The following SCUBE1 variants were observed in gnomAD, a reference collection of about 807,000 sequenced individuals.
The protein encoded by SCUBE1 is signal peptide, CUB and EGF-like domain-containing protein 1.
Under a neutral mutation model 124.4 loss-of-function variants are expected in SCUBE1, and 59 were observed. The observed-to-expected ratio is 0.47, with a 90% CI of 0.38 to 0.59. SCUBE1 has a LOEUF of 0.59. SCUBE1 is among the 20% of genes least tolerant of loss of function. The probability of loss-of-function intolerance (pLI) is 0.00; values close to 1 mark genes in which losing one functional copy is unlikely to be tolerated. For missense variants in SCUBE1, 1,150 were observed against 1,371.2 expected, an observed-to-expected ratio of 0.84 and a Z score of 2.55; for synonymous variants, 545 against 550.9, an observed-to-expected ratio of 0.99 and a Z score of 0.15.
chr22:43,295,971 G>A (rs1925540764), intron 3 of SCUBE1, among the ~76,000 whole-genome samples: 1 of 151,750 alleles, frequency 6.6e-6, no homozygotes, highest in Non-Finnish European at 1.5e-5. Context: ...TGAAAGCAAA[G>A]GCTCATGGAA....
chr22:43,210,073 A>T lies in SCUBE1; in HGVS notation c.2551T>A (p.Cys851Ser). 6.2e-7 allele frequency: 1 copy of T among 1,612,096 alleles called. No individual in the cohort carries two copies. Residue 851 changes from cysteine (C) to serine (S), a missense_variant, in exon 19 of 22, where the codon TGC (cysteine) becomes AGC (serine). By Grantham distance (112) the Cys-to-Ser change is moderately radical (BLOSUM62 -1). Coordinates refer to ENST00000360835, the MANE Select transcript of SCUBE1 (RefSeq NM_173050.5). The surrounding 1 kb of genome is among the most constrained non-coding windows in gnomAD (Gnocchi z 4.5). ...PEIFLPIEDE[C>S]GDVLVMRKSA... Reference sequence around the variant, plus strand: ...TTCCTCATGACCAGAACATCGCCGCACTCATCCTCGATGGGCAGGAAGATC... The same window carrying T: ...TTCCTCATGACCAGAACATCGCCGCTCTCATCCTCGATGGGCAGGAAGATC...
intron 4 of SCUBE1, among the ~76,000 whole-genome samples, chr22:43,266,513 A>G (rs896201222): frequency 4.6e-5 from 7 of 152,200 alleles, no homozygotes; most frequent in Non-Finnish European, 8.8e-5. Flanking sequence ...ACAGAAGGTC[A>G]GGGTTGGACC....
In SCUBE1 at chr22:43,244,161, T is replaced by C. The variant is rs867559135; in HGVS notation, c.728-5207A>G. On this transcript the variant is annotated intron_variant, in intron 6 of 21. Coordinates refer to ENST00000360835, the MANE Select transcript of SCUBE1 (RefSeq NM_173050.5). ...GCGCCTTCCTCTCACACTGCCCACC[T>C]CCCAGCCCATGCCCCGCCACACCCC... Among the ~76,000 whole-genome samples the C allele has an allele frequency of 5.4e-3, 816 of 151,828 alleles. 6 individuals are homozygous for C. The highest frequency in any genetic ancestry group is 0.019 in the African/African-American group (782 of 41,336).
chr22:43,326,483 G>A (rs957830707), intron 2 of SCUBE1, among the ~76,000 whole-genome samples: 22 of 152,234 alleles, frequency 1.4e-4, no homozygotes, highest in East Asian at 5.8e-4. Flanking sequence ...CCGGTGGCTC[G>A]GGGTTAAGCT....
At chr22:43,259,777 C>G (rs1051424984) in intron 5 of SCUBE1, among the ~76,000 whole-genome samples, 1 of 152,186 alleles carries the variant, frequency 6.6e-6, no homozygotes, top group East Asian at 1.9e-4. Flanking sequence ...CCACAGGGAG[C>G]TGAGGACCAT....
rs117796162 is a variant in SCUBE1, at chr22:43,205,445, A to G, written c.2815-1296T>C. 1.6e-4 allele frequency among the ~76,000 whole-genome samples: 25 copies of G among 152,034 alleles called. No homozygotes were observed. The East Asian group carries it at 4.8e-3, about 29-fold the overall frequency. On this transcript the variant is annotated intron_variant, in intron 21 of 21. Coordinates refer to ENST00000360835, the MANE Select transcript of SCUBE1 (RefSeq NM_173050.5). ...GAGTCCCCAGAGCCTGGCCCAGGGAAGGTGTTCAGCAAATGGCGACCACCA... is the reference window on the plus strand; with the variant it reads ...GAGTCCCCAGAGCCTGGCCCAGGGAGGGTGTTCAGCAAATGGCGACCACCA...
At chr22:43,302,164 G>C (rs969624065) in intron 3 of SCUBE1, among the ~76,000 whole-genome samples, 2 of 152,240 alleles carry the variant, frequency 1.3e-5, no homozygotes, top group African/African-American at 2.4e-5. Flanking sequence ...CTTGTGCGGA[G>C]ATCGCGATGG....
chr22:43,208,483 C>CA (rs2146651910), intron 19 of SCUBE1, among the ~76,000 whole-genome samples: 1 of 152,324 alleles, frequency 6.6e-6, no homozygotes, highest in Non-Finnish European at 1.5e-5. Flanking sequence ...CCCATCCCCT[C>CA]CCAAGATCTT....
intron 2 of SCUBE1, among the ~76,000 whole-genome samples, chr22:43,329,465 GC>G (rs2146794433): frequency 6.6e-6 from 1 of 152,352 alleles, no homozygotes; most frequent in African/African-American, 2.4e-5. Context: ...CACAGACTTG[GC>G]CCAGGCCACA....
At chr22:43,280,134 G>T (rs1334929215) in intron 4 of SCUBE1, among the ~76,000 whole-genome samples, 2 of 152,080 alleles carry the variant, frequency 1.3e-5, no homozygotes, top group Non-Finnish European at 2.9e-5. Flanking sequence ...TGAGCAAGGC[G>T]CTGGGCAGGG....
intron 2 of SCUBE1, among the ~76,000 whole-genome samples, chr22:43,326,916 C>A (rs555048796): frequency 6.6e-6 from 1 of 152,098 alleles, no homozygotes; most frequent in Non-Finnish European, 1.5e-5. Flanking sequence ...TGCTCATCTT[C>A]GAGCAGATCT....
At chr22:43,339,424 C>T (rs746024637) in intron 1 of SCUBE1, among the ~76,000 whole-genome samples, 189 bp from the exon 2 acceptor site, 33 of 152,064 alleles carry the variant, frequency 2.2e-4, no homozygotes, top group Non-Finnish European at 4.4e-4. Flanking sequence ...CGCAGCTACT[C>T]TGTGGCAGGG....
At chr22:43,280,363 A>G (rs1255697421) in intron 4 of SCUBE1, among the ~76,000 whole-genome samples, 2 of 148,568 alleles carry the variant, frequency 1.3e-5, no homozygotes, top group Non-Finnish European at 3.0e-5. Context: ...GAGTCAGCTC[A>G]CCAAGTCTCT....
At chr22:43,227,945 T>C (rs112815855) in intron 9 of SCUBE1, among the ~76,000 whole-genome samples, 1,843 of 152,246 alleles carry the variant, frequency 0.012, 25 homozygotes, top group African/African-American at 0.033. Context: ...CCTTTCCTCC[T>C]CTGACCAAAA....
intron 14 of SCUBE1, among the ~76,000 whole-genome samples, chr22:43,219,510 C>CT (rs139002): frequency 0.28 from 41,640 of 149,596 alleles, 6,401 homozygotes; most frequent in African/African-American, 0.38. Context: ...GAGTCTCACT[C>CT]GTCGCCAGGC....
At position 43,210,806 on chromosome 22, in the gene SCUBE1, G is replaced by A. The variant is rs371538284; in HGVS notation, c.2383+116C>T. The A allele has an allele frequency of 2.2e-4, 272 of 1,240,660 alleles. 1 individual carries two copies. In the African/African-American group the frequency reaches 3.4e-3, roughly 16 times the overall value. The allele number at this position is 1,240,660 out of a possible 1,614,324, so 76.9% of individuals were successfully genotyped here. A position where few individuals can be genotyped will look rare whatever the true frequency, so the allele number is the denominator to read the frequency against. Reference sequence around the variant, plus strand: ...CACCCGAGAGCAGACGGGACGGAGCGGGAGGAGTCCAGTGTCCTCGTGGAG... The same window carrying A: ...CACCCGAGAGCAGACGGGACGGAGCAGGAGGAGTCCAGTGTCCTCGTGGAG... On this transcript the variant is annotated intron_variant, in intron 18 of 21. Coordinates refer to ENST00000360835, the MANE Select transcript of SCUBE1 (RefSeq NM_173050.5). This position sits in a 1 kb window ranked among gnomAD's most constrained non-coding sequence, Gnocchi z 4.5.
intron 4 of SCUBE1, among the ~76,000 whole-genome samples, chr22:43,287,772 T>C (rs1925202212): frequency 6.6e-6 from 1 of 152,260 alleles, no homozygotes; most frequent in Non-Finnish European, 1.5e-5. Context: ...CAGAGGTCAC[T>C]TGTCTGCAAA....
chr22:43,214,111 G>A lies in SCUBE1; in HGVS notation c.2032C>T (p.Arg678Cys), dbSNP rs373899025. 5.6e-6 allele frequency: 9 copies of A among 1,603,574 alleles called. No homozygotes were observed. The highest frequency in any genetic ancestry group is 7.6e-6 in the Non-Finnish European group (9 of 1,177,438). The change falls in exon 16 of 22, where the codon CGC (arginine) becomes TGC (cysteine). Residue 678 changes from arginine to cysteine, a missense_variant. This residue lies in a region of SCUBE1 where 757 missense variants were observed against 840.9 expected (regional missense o/e 0.90). Coordinates refer to ENST00000360835, the MANE Select transcript of SCUBE1 (RefSeq NM_173050.5). Reference protein sequence around the residue: ...SSDGLGLPGARNVSECGGQCS... With the variant: ...SSDGLGLPGACNVSECGGQCS... The stretch of plus-strand genomic sequence containing the variant: ...TTGCCTCCACATTCCGACACGTTGC[G>A]GGCACCAGGCAGACCAAGCCCGTCG...
chr22:43,278,508 C>T (rs1288776262), intron 4 of SCUBE1, among the ~76,000 whole-genome samples: 6 of 152,224 alleles, frequency 3.9e-5, no homozygotes, highest in Admixed American at 3.9e-4. Context: ...CGTGCTAGGG[C>T]CCCTCAGGTC....
Sources: allele counts gnomAD v4.1 joint callset (sites outside exome capture counted in the v4.1 genomes callset), GRCh38; gene constraint gnomAD v4.1.1; regional missense constraint gnomAD v4.1.1; non-coding constraint Gnocchi (gnomAD v3.1); transcripts MANE v1.5; gene names NCBI Gene and HGNC (gene_info 2026-07-23, HGNC 2026-07-21).